PARD3: variants seen among roughly 807,000 people sequenced by gnomAD.
PARD3 encodes par-3 family cell polarity regulator.
Under a neutral mutation model 155.4 loss-of-function variants are expected in PARD3, and 75 were observed. The observed-to-expected ratio is 0.48, with a 90% CI of 0.40 to 0.58. PARD3 has a LOEUF of 0.58. PARD3 is among the 20% of genes least tolerant of loss of function. The probability of loss-of-function intolerance (pLI) is 0.00; values close to 1 mark genes in which losing one functional copy is unlikely to be tolerated. For synonymous variants in PARD3, 576 were observed against 610.5 expected, an observed-to-expected ratio of 0.94 and a Z score of 0.83; for missense variants, 1,642 against 1,721.7, an observed-to-expected ratio of 0.95 and a Z score of 0.82.
chr10:34,322,971 A>G (rs558252995), intron 19 of PARD3, among the ~76,000 whole-genome samples: 1 of 152,330 alleles, frequency 6.6e-6, no homozygotes, highest in Admixed American at 6.5e-5. Flanking sequence ...CTTAAAACAA[A>G]ACTTTTAAGT....
chr10:34,247,042 C>A (rs1191806059), intron 22 of PARD3, among the ~76,000 whole-genome samples: 1 of 151,576 alleles, frequency 6.6e-6, no homozygotes, highest in Non-Finnish European at 1.5e-5. Flanking sequence ...AGCCACCACA[C>A]TCCAACTTGG....
chr10:34,634,195 G>A (rs2092384961), intron 2 of PARD3, among the ~76,000 whole-genome samples: 1 of 152,094 alleles, frequency 6.6e-6, no homozygotes, highest in Non-Finnish European at 1.5e-5. Flanking sequence ...TGGAAACCCA[G>A]AAAAAATAGG....
chr10:34,639,930 T>C lies in PARD3; in HGVS notation c.222+56388A>G, dbSNP rs919929499. Reference sequence around the variant, plus strand: ...TCGCAGAGTGTTATGAGAATCCATTTATGTGAAGCACCTAGCACATGGGTT... The same window carrying C: ...TCGCAGAGTGTTATGAGAATCCATTCATGTGAAGCACCTAGCACATGGGTT... On this transcript the variant is annotated intron_variant, in intron 2 of 24. Coordinates refer to ENST00000374788, the MANE Select transcript of PARD3 (RefSeq NM_001184785.2). 2.0e-5 allele frequency among the ~76,000 whole-genome samples: 3 copies of C among 152,178 alleles called. No individual in the cohort carries two copies. In the South Asian group the frequency reaches 6.2e-4, roughly 32 times the overall value.
intron 22 of PARD3, among the ~76,000 whole-genome samples, chr10:34,162,860 A>G (rs1419761313): frequency 6.6e-6 from 1 of 152,158 alleles, no homozygotes. Flanking sequence ...TTCCAACAGG[A>G]CTGTGAGAAT....
intron 1 of PARD3, among the ~76,000 whole-genome samples, chr10:34,792,696 C>T (rs1404321681): frequency 1.3e-5 from 2 of 152,192 alleles, no homozygotes; most frequent in African/African-American, 4.8e-5. Flanking sequence ...CTACAGTGAC[C>T]TGTGCAGCAG....
intron 1 of PARD3, among the ~76,000 whole-genome samples, chr10:34,787,257 T>C (rs965667433): frequency 4.6e-5 from 7 of 152,156 alleles, no homozygotes; most frequent in African/African-American, 1.4e-4. Context: ...CGGGCGCCTG[T>C]AATCCCAGCT....
intron 3 of PARD3, among the ~76,000 whole-genome samples, chr10:34,504,924 T>C (rs1047541701): frequency 3.0e-4 from 46 of 152,186 alleles, no homozygotes; most frequent in African/African-American, 1.1e-3. Flanking sequence ...GGGGAAAGAA[T>C]TGTATCTGCC....
At chr10:34,284,524 A>C (rs1451342848) in intron 20 of PARD3, among the ~76,000 whole-genome samples, 1 of 152,222 alleles carries the variant, frequency 6.6e-6, no homozygotes, top group Non-Finnish European at 1.5e-5. Flanking sequence ...GTTGTGGTTT[A>C]TCCTTATTAA....
intron 22 of PARD3, among the ~76,000 whole-genome samples, chr10:34,259,404 C>T (rs1486511230): frequency 6.6e-6 from 1 of 152,140 alleles, no homozygotes; most frequent in Non-Finnish European, 1.5e-5. Context: ...TTTTTTCCAG[C>T]TACTGGAAGC....
rs910971557 is a variant in PARD3 at position 34,469,732 on chromosome 10, C to T, written c.582+353G>A. Among the ~76,000 whole-genome samples, 4 of 151,958 alleles carry T rather than the reference C, an allele frequency of 2.6e-5. No individual in the cohort carries two copies. In the South Asian group the frequency reaches 8.3e-4, roughly 32 times the overall value. The stretch of plus-strand genomic sequence containing the variant: ...TAGAAAAAGCAAATAAAGAGGTTGC[C>T]TGTGAGGAGAAATGGGAGAGGAGAC... On this transcript the variant is annotated intron_variant, in intron 4 of 24. Coordinates refer to ENST00000374788, the MANE Select transcript of PARD3 (RefSeq NM_001184785.2).
At chr10:34,538,874 C>T (rs563082718) in intron 2 of PARD3, among the ~76,000 whole-genome samples, 3 of 152,330 alleles carry the variant, frequency 2.0e-5, no homozygotes, top group African/African-American at 7.2e-5. Context: ...TTCTTCTAGA[C>T]CTGGAACACC....
chr10:34,666,818 C>T (rs7079529), intron 2 of PARD3, among the ~76,000 whole-genome samples: 877 of 73,264 alleles, frequency 0.012, 9 homozygotes, highest in Middle Eastern at 0.035. Context: ...TATATATATA[C>T]ACACACACAC....
intron 22 of PARD3, among the ~76,000 whole-genome samples, chr10:34,141,800 G>T (rs1468219727): frequency 6.6e-6 from 1 of 152,098 alleles, no homozygotes; most frequent in African/African-American, 2.4e-5. Context: ...TCAGGACCCA[G>T]CAATAAATAC....
chr10:34,117,201 AT>A (rs1253092026), intron 24 of PARD3, among the ~76,000 whole-genome samples: 3 of 152,144 alleles, frequency 2.0e-5, no homozygotes, highest in African/African-American at 7.2e-5. Flanking sequence ...ACACTTTGTT[AT>A]GTTTCTCCTT....
At chr10:34,571,103 G>A (rs2086357444) in intron 2 of PARD3, among the ~76,000 whole-genome samples, 1 of 152,154 alleles carries the variant, frequency 6.6e-6, no homozygotes, top group African/African-American at 2.4e-5. Context: ...TTGAGGCCAG[G>A]AGTGCAAGGC....
intron 2 of PARD3, among the ~76,000 whole-genome samples, chr10:34,609,806 G>A (rs2090750499): frequency 6.6e-6 from 1 of 152,140 alleles, no homozygotes; most frequent in Non-Finnish European, 1.5e-5. Context: ...CTCCCAAAGT[G>A]CGCCCAGCCT....
intron 2 of PARD3, among the ~76,000 whole-genome samples, chr10:34,572,992 G>A (rs2086555122): frequency 6.6e-6 from 1 of 151,984 alleles, no homozygotes; most frequent in East Asian, 1.9e-4. Flanking sequence ...ATATTTTCTA[G>A]GGGACACTGC....
chr10:34,754,933 T>C (rs1836516002), intron 1 of PARD3, among the ~76,000 whole-genome samples: 1 of 152,148 alleles, frequency 6.6e-6, no homozygotes. Context: ...GGGACCTACA[T>C]CCTTGACCAC....
At chr10:34,289,502 T>TAAG (rs1956572675) in intron 20 of PARD3, among the ~76,000 whole-genome samples, 1 of 151,898 alleles carries the variant, frequency 6.6e-6, no homozygotes, top group Non-Finnish European at 1.5e-5. Flanking sequence ...ATCTTAATAA[T>TAAG]AATAATAATA....
Sources: gnomAD v4.1 joint callset for allele counts (sites outside exome capture counted in the v4.1 genomes callset) on GRCh38, gnomAD v4.1.1 for gene constraint, MANE v1.5 for transcripts, NCBI Gene and HGNC (gene_info 2026-07-23, HGNC 2026-07-21) for gene names.